FRMD5: variants seen among roughly 807,000 people sequenced by gnomAD.
FRMD5 encodes FERM domain containing 5, also known as FERM domain-containing protein 5.
A neutral mutation model predicts 69.0 loss-of-function variants in FRMD5; 20 were observed. The ratio of observed to expected loss-of-function variants is 0.29; its 90% CI spans 0.20 to 0.42. The LOEUF is 0.42. FRMD5 is among the 10% of genes least tolerant of loss of function. FRMD5 has a pLI of 1.00. For synonymous variants in FRMD5, 271 were observed against 260.1 expected (o/e 1.04, Z -0.40); for missense variants, 595 against 708.6 (o/e 0.84, Z 1.82).
intron 1 of FRMD5, among the ~76,000 whole-genome samples, chr15:44,037,001 T>A (rs1891944636): frequency 6.6e-6 from 1 of 152,098 alleles, no homozygotes; most frequent in Non-Finnish European, 1.5e-5. Flanking sequence ...GTTTTTTTTT[T>A]AATACTTTAA....
At chr15:44,166,783 CAAAAAAAAA>C (rs1006711939) in intron 1 of FRMD5, among the ~76,000 whole-genome samples, 60 of 53,030 alleles carry the variant, frequency 1.1e-3, no homozygotes, top group African/African-American at 3.7e-3. Context: ...GACCCTATCT[CAAAAAAAAA>C]AAAAAAAAAA....
At chr15:44,017,339 G>A (rs866174127) in intron 1 of FRMD5, among the ~76,000 whole-genome samples, 114 of 142,422 alleles carry the variant, frequency 8.0e-4, no homozygotes, top group Middle Eastern at 7.3e-3. Context: ...CTCTGTCTCA[G>A]AAAAAAAAAA....
chr15:44,188,354 G>C (rs540399875), intron 1 of FRMD5, among the ~76,000 whole-genome samples: 1 of 152,280 alleles, frequency 6.6e-6, no homozygotes, highest in East Asian at 1.9e-4. Flanking sequence ...TAAATCAAAA[G>C]TTAGAAATGT....
At chr15:43,941,482 C>T (rs2089862630) in intron 1 of FRMD5, among the ~76,000 whole-genome samples, 1 of 152,194 alleles carries the variant, frequency 6.6e-6, no homozygotes, top group South Asian at 2.1e-4. Flanking sequence ...GCATTCTGGA[C>T]ATAACCCTGT....
intron 2 of FRMD5, among the ~76,000 whole-genome samples, chr15:43,923,186 T>G (rs1403415297): frequency 1.3e-5 from 2 of 152,228 alleles, no homozygotes; most frequent in Non-Finnish European, 2.9e-5. Flanking sequence ...ATGCATTCAT[T>G]TCTTCAGAAA....
chr15:44,043,033 C>T lies in FRMD5; in HGVS notation c.103-118724G>A, dbSNP rs187781797. ...TGATTGTATATTTAGAAAACCCCAT[C>T]GTCTCAGCCCAAAATCTCCTTAAGC... On this transcript the variant is annotated intron_variant, in intron 1 of 13. Coordinates refer to ENST00000417257, the MANE Select transcript of FRMD5 (RefSeq NM_032892.5). Among the ~76,000 whole-genome samples the T allele has an allele frequency of 1.1e-4, 16 of 152,226 alleles. No homozygotes were observed. In the East Asian group the frequency reaches 1.2e-3, roughly 11 times the overall value.
chr15:44,032,654 A>G (rs1170858413), intron 1 of FRMD5, among the ~76,000 whole-genome samples: 2 of 152,224 alleles, frequency 1.3e-5, no homozygotes, highest in Non-Finnish European at 2.9e-5. Flanking sequence ...ACAAGGAGAT[A>G]CCATCTCACA....
intron 1 of FRMD5, among the ~76,000 whole-genome samples, chr15:44,153,174 T>C (rs2077473513): frequency 6.6e-6 from 1 of 152,114 alleles, no homozygotes; most frequent in Non-Finnish European, 1.5e-5. Flanking sequence ...AAATTCAAAA[T>C]ATAATTACCA....
In FRMD5 at chr15:43,955,133, G is replaced by A. The variant is rs530990946; in HGVS notation, c.103-30824C>T. 7.9e-5 allele frequency among the ~76,000 whole-genome samples: 12 copies of A among 152,310 alleles called. No homozygotes were observed. The East Asian group carries it at 2.3e-3, about 29-fold the overall frequency. ...CCTTAGGTACACTGTAAATGCATAT[G>A]AAGTAACAAGAATTTTCTCAAAGTC... is the stretch of plus-strand genomic sequence containing the variant. On this transcript the variant is annotated intron_variant, in intron 1 of 13. Transcript: ENST00000417257.
intron 1 of FRMD5, among the ~76,000 whole-genome samples, chr15:44,050,315 G>T (rs560295774): frequency 6.6e-6 from 1 of 152,112 alleles, no homozygotes. Context: ...AAAAATGATA[G>T]AGAAGTTATG....
intron 1 of FRMD5, among the ~76,000 whole-genome samples, chr15:44,178,763 C>G (rs747100243): frequency 6.6e-6 from 1 of 152,098 alleles, no homozygotes; most frequent in Non-Finnish European, 1.5e-5. Flanking sequence ...GAGGCCAAGG[C>G]GGGTGGATCA....
At chr15:43,962,390 T>C (rs560792448) in intron 1 of FRMD5, among the ~76,000 whole-genome samples, 5 of 152,258 alleles carry the variant, frequency 3.3e-5, no homozygotes, top group African/African-American at 1.2e-4. Context: ...AAACCACTGT[T>C]CAATGAAATA....
chr15:44,078,463 G>A (rs796717566), intron 1 of FRMD5, among the ~76,000 whole-genome samples: 25 of 152,158 alleles, frequency 1.6e-4, no homozygotes, highest in African/African-American at 5.5e-4. Flanking sequence ...AAGAATCCCA[G>A]AGTCAAAACA....
chr15:43,981,786 G>C (rs1250811076), intron 1 of FRMD5, among the ~76,000 whole-genome samples: 1 of 152,226 alleles, frequency 6.6e-6, no homozygotes, highest in African/African-American at 2.4e-5. Flanking sequence ...CACTGATTCA[G>C]AAGCACTCAT....
intron 4 of FRMD5, among the ~76,000 whole-genome samples, chr15:43,912,783 C>A (rs1251229902): frequency 6.7e-6 from 1 of 148,332 alleles, no homozygotes; most frequent in African/African-American, 2.5e-5. Flanking sequence ...TTTGGGAGGT[C>A]GAGGTGGGTG....
chr15:44,119,895 TA>T (rs5812264), intron 1 of FRMD5, among the ~76,000 whole-genome samples: 137,477 of 152,014 alleles, frequency 0.9, 62,659 homozygotes, highest in East Asian at 1. Context: ...CAGTGAGTGG[TA>T]AAAAAATACT....
chr15:44,159,891 T>C (rs1238883001), intron 1 of FRMD5, among the ~76,000 whole-genome samples: 4 of 152,214 alleles, frequency 2.6e-5, no homozygotes, highest in African/African-American at 9.7e-5. Context: ...TCAGGGGCTA[T>C]GACAGGCTCA....
At chr15:44,077,402 T>C (rs1428461367) in intron 1 of FRMD5, among the ~76,000 whole-genome samples, 1 of 152,050 alleles carries the variant, frequency 6.6e-6, no homozygotes, top group African/African-American at 2.4e-5. Context: ...CTTAAACACA[T>C]GGAGAATATA....
intron 1 of FRMD5, among the ~76,000 whole-genome samples, chr15:43,937,984 C>T (rs1226273100): frequency 6.6e-6 from 1 of 152,050 alleles, no homozygotes; most frequent in African/African-American, 2.4e-5. Context: ...CTACCATGTG[C>T]AGGCTGGGAG....
Sources: allele counts gnomAD v4.1 joint callset (sites outside exome capture counted in the v4.1 genomes callset), GRCh38; gene constraint gnomAD v4.1.1; transcripts MANE v1.5; gene names NCBI Gene and HGNC (gene_info 2026-07-23, HGNC 2026-07-21).